Variants in IQSEC1 observed in about 807,000 individuals in gnomAD.
The protein encoded by IQSEC1 is IQ motif and Sec7 domain ArfGEF 1, also known as IQ motif and SEC7 domain-containing protein 1.
In IQSEC1, 31 loss-of-function variants were observed where a neutral mutation model predicts 91.0. The ratio of observed to expected loss-of-function variants is 0.34; its 90% CI spans 0.26 to 0.46. IQSEC1 has a LOEUF of 0.46. Ranked by LOEUF, IQSEC1 falls within the 20% of genes least tolerant of loss-of-function variation. The pLI is 1.00. For missense variants in IQSEC1, 1,388 were observed against 1,575.6 expected (o/e 0.88, Z 2.02); for synonymous variants, 699 against 662.6 (o/e 1.05, Z -0.84).
At chr3:13,248,374 C>T (rs1695141514) in intron 1 of IQSEC1, among the ~76,000 whole-genome samples, 2 of 152,206 alleles carry the variant, frequency 1.3e-5, no homozygotes, top group African/African-American at 2.4e-5. Context: ...GCCTCATCCC[C>T]ACCTCCCACC....
chr3:12,941,929 G>T, intron 1 of IQSEC1, 64 bp from the exon 2 acceptor site: 1 of 1,416,986 alleles, frequency 7.1e-7, no homozygotes. Context: ...ACACCGGGCC[G>T]TGGGGCGTGA....
At chr3:12,926,294 A>T (rs1486654956) in intron 3 of IQSEC1, among the ~76,000 whole-genome samples, 2 of 144,486 alleles carry the variant, frequency 1.4e-5, no homozygotes. Flanking sequence ...TGGGCGACAG[A>T]GCAAGACTCC....
intron 2 of IQSEC1, among the ~76,000 whole-genome samples, chr3:13,098,072 C>G (rs912273305): frequency 6.6e-6 from 1 of 152,262 alleles, no homozygotes; most frequent in African/African-American, 2.4e-5. Context: ...GTCTGTCCTG[C>G]CCTGTGCTGG....
chr3:13,005,890 C>G (rs1702615125), intron 1 of IQSEC1, among the ~76,000 whole-genome samples: 1 of 152,206 alleles, frequency 6.6e-6, no homozygotes, highest in Non-Finnish European at 1.5e-5. Flanking sequence ...CTGGTCCGGT[C>G]CAGGCATCTG....
chr3:12,916,927 T>C (rs1696153537), intron 6 of IQSEC1, among the ~76,000 whole-genome samples: 1 of 152,196 alleles, frequency 6.6e-6, no homozygotes, highest in African/African-American at 2.4e-5. Context: ...CATTCCTGCA[T>C]ATGTGCACTT....
At position 13,211,744 on chromosome 3, in the gene IQSEC1, G is replaced by A. The variant is rs1193884731; in HGVS notation, c.273-47611C>T. On this transcript the variant is annotated intron_variant, in intron 1 of 15. Coordinates refer to the IQSEC1 transcript ENST00000648114. This position sits in a 1 kb window ranked among gnomAD's most constrained non-coding sequence, Gnocchi z 5.3. ...TGCCCAGCCTCCAGGCCTTTGCCCT[G>A]GAACTTCCCTCTTCCTGGAAGGCCC... Among the ~76,000 whole-genome samples, 10 of 152,146 alleles carry A rather than the reference G, an allele frequency of 6.6e-5. No individual in the cohort carries two copies.
At chr3:13,062,160 C>T (rs1275746727) in intron 1 of IQSEC1, among the ~76,000 whole-genome samples, 1 of 152,174 alleles carries the variant, frequency 6.6e-6, no homozygotes, top group Non-Finnish European at 1.5e-5. Flanking sequence ...TGCCGTTTGC[C>T]ACCCAAAGGC....
rs530169376 is a variant in IQSEC1, at chr3:13,242,652, G to A, written c.272+40059C>T. 2.4e-3 allele frequency among the ~76,000 whole-genome samples: 369 copies of A among 152,332 alleles called. 2 individuals are homozygous for A. The highest frequency in any genetic ancestry group is 8.7e-3 in the African/African-American group (360 of 41,568). On this transcript the variant is annotated intron_variant, in intron 1 of 15. Coordinates refer to the IQSEC1 transcript ENST00000648114. The stretch of plus-strand genomic sequence containing the variant: ...CCTGGGTGGGCGACATGGGCCTGGT[G>A]ACTCTGGCATCTGGGGCTGCACTCC...
rs1700671077 is a variant in IQSEC1, at chr3:12,967,624, C to G, written c.24-25759G>C. On this transcript the variant is annotated intron_variant, in intron 1 of 13. Transcript: ENST00000613206. This position sits in a 1 kb window ranked among gnomAD's most constrained non-coding sequence, Gnocchi z 5.9. The stretch of plus-strand genomic sequence containing the variant: ...TCCTGGTCCAGCGTCCGCCGGCTCC[C>G]GCGGCTCCGGCCCCAAGTCCGAGCC... 4.1e-6 allele frequency: 5 copies of G among 1,232,804 alleles called. No homozygotes were observed. In the South Asian group the frequency reaches 1.6e-4, roughly 40 times the overall value. 76.4% of individuals were successfully genotyped at this position (1,232,804 alleles called of 1,614,324 possible). A position where few individuals can be genotyped will look rare whatever the true frequency, so the allele number is the denominator to read the frequency against.
At chr3:12,943,584 C>A (rs974376768) in intron 1 of IQSEC1, among the ~76,000 whole-genome samples, 2 of 152,194 alleles carry the variant, frequency 1.3e-5, no homozygotes, top group African/African-American at 4.8e-5. Context: ...GAGAGATGGG[C>A]ACACAGACCC....
intron 2 of IQSEC1, among the ~76,000 whole-genome samples, chr3:13,085,393 C>T (rs1032291882): frequency 1.3e-5 from 2 of 152,122 alleles, no homozygotes; most frequent in Non-Finnish European, 2.9e-5. Flanking sequence ...AGAGGGGTCA[C>T]GTGGAGGGCG....
chr3:13,029,829 C>T (rs1210767836), intron 1 of IQSEC1, among the ~76,000 whole-genome samples: 4 of 152,378 alleles, frequency 2.6e-5, no homozygotes, highest in East Asian at 1.9e-4. Context: ...CACTGGCCTC[C>T]CTGCCTCCTT....
At chr3:12,978,643 T>A (rs1701303944) in intron 1 of IQSEC1, among the ~76,000 whole-genome samples, 1 of 151,612 alleles carries the variant, frequency 6.6e-6, no homozygotes, top group Non-Finnish European at 1.5e-5. Flanking sequence ...AGGTGGAGGT[T>A]GCAGTAAGCA....
intron 1 of IQSEC1, among the ~76,000 whole-genome samples, chr3:13,239,253 G>A (rs904485412): frequency 2.0e-5 from 3 of 152,212 alleles, no homozygotes; most frequent in African/African-American, 4.8e-5. Context: ...CACTCCACAG[G>A]CAACAGCCAC....
intron 2 of IQSEC1, among the ~76,000 whole-genome samples, chr3:13,116,209 C>G (rs1309770223): frequency 6.6e-6 from 1 of 152,202 alleles, no homozygotes; most frequent in East Asian, 1.9e-4. Context: ...CAGGTGCTGG[C>G]TGCGGGAAAC....
At chr3:13,126,391 G>A (rs1706513684) in intron 2 of IQSEC1, among the ~76,000 whole-genome samples, 2 of 152,174 alleles carry the variant, frequency 1.3e-5, no homozygotes, top group Non-Finnish European at 2.9e-5. Context: ...TCCACTGTAC[G>A]GATGTCCTAC....
chr3:12,936,417 C>T lies in IQSEC1; in HGVS notation c.599G>A (p.Cys200Tyr), dbSNP rs766428334. Residue 200 changes from cysteine to tyrosine, a missense_variant, in exon 3 of 14, where the codon TGT becomes TAT. Physicochemically the swap from Cys to Tyr is radical, Grantham distance 194. Transcript: ENST00000613206. ...SQLGALVSPE[C>Y]GDLSEPTTLK... ...GGTGGTGGGCTCGCTGAGGTCACCACACTCAGGGGACACCAGGGCTCCCAG... is the reference window on the plus strand; with the variant it reads ...GGTGGTGGGCTCGCTGAGGTCACCATACTCAGGGGACACCAGGGCTCCCAG... 19 of 1,597,556 alleles carry T rather than the reference C, an allele frequency of 1.2e-5. 1 individual carries two copies. The East Asian group carries it at 2.7e-4, about 23-fold the overall frequency.
intron 2 of IQSEC1, among the ~76,000 whole-genome samples, chr3:13,150,926 G>C (rs931205859): frequency 7.2e-5 from 11 of 152,242 alleles, no homozygotes; most frequent in African/African-American, 2.7e-4. Flanking sequence ...ATGGTCCAGG[G>C]CTGGCCTGGT....
rs1702744124 is a variant in IQSEC1 at position 13,008,745 on chromosome 3, G to C, written c.23+64247C>G. 6.6e-6 allele frequency among the ~76,000 whole-genome samples: 1 copy of C among 152,164 alleles called. No homozygotes were observed. The highest frequency in any genetic ancestry group is 2.4e-5 in the African/African-American group (1 of 41,422). ...CTGGGCACACAGTCAATATTAGTTG[G>C]TCGAGTTACTGATAGAACAACGCTC... On this transcript the variant is annotated intron_variant, in intron 1 of 13. Coordinates refer to ENST00000613206, the MANE Select transcript of IQSEC1 (RefSeq NM_001134382.3). The surrounding 1 kb of genome is among the most constrained non-coding windows in gnomAD (Gnocchi z 4.1).
Sources: gnomAD v4.1 joint callset for allele counts (sites outside exome capture counted in the v4.1 genomes callset) on GRCh38, gnomAD v4.1.1 for gene constraint, Gnocchi (gnomAD v3.1) non-coding constraint, MANE v1.5 for transcripts, NCBI Gene and HGNC (gene_info 2026-07-23, HGNC 2026-07-21) for gene names.